PCBP3: variants seen among roughly 807,000 people sequenced by gnomAD.
PCBP3 encodes the protein poly(rC) binding protein 3.
In PCBP3, 25 loss-of-function variants were observed where a neutral mutation model predicts 52.7. The ratio of observed to expected loss-of-function variants is 0.47; its 90% CI spans 0.35 to 0.66. The LOEUF (loss-of-function observed/expected upper bound fraction) is 0.66, where lower values mean the gene tolerates loss of function less well. Among genes scored for constraint, PCBP3 ranks in the 30% least tolerant of loss-of-function variants. PCBP3 has a pLI of 0.01. For synonymous variants in PCBP3, 162 were observed against 183.0 expected, an observed-to-expected ratio of 0.89 and a Z score of 0.93; for missense variants, 391 against 490.3, an observed-to-expected ratio of 0.80 and a Z score of 1.91.
At chr21:45,646,494 A>C (rs1387625314) in intron 1 of PCBP3, among the ~76,000 whole-genome samples, 1 of 152,198 alleles carries the variant, frequency 6.6e-6, no homozygotes, top group African/African-American at 2.4e-5. Flanking sequence ...GAATACCTGA[A>C]ACTAGGTAAT....
chr21:45,676,222 C>A (rs546283543), intron 2 of PCBP3, among the ~76,000 whole-genome samples: 2 of 152,226 alleles, frequency 1.3e-5, no homozygotes, highest in South Asian at 4.1e-4. Context: ...CCTGTTACTT[C>A]AAAGGAATTA....
chr21:45,768,826 C>A (rs1285223899), intron 4 of PCBP3, among the ~76,000 whole-genome samples: 3 of 152,224 alleles, frequency 2.0e-5, no homozygotes, highest in Admixed American at 6.5e-5. Flanking sequence ...GCCCTGTGAG[C>A]AGGGAGCCAG....
At chr21:45,863,278 G>A (rs755604925) in intron 5 of PCBP3, among the ~76,000 whole-genome samples, 1 of 152,250 alleles carries the variant, frequency 6.6e-6, no homozygotes, top group East Asian at 1.9e-4. Flanking sequence ...CCCGCTGTCC[G>A]GGTAGGGACC....
At chr21:45,856,377 A>G (rs1218456379) in intron 5 of PCBP3, among the ~76,000 whole-genome samples, 2 of 152,206 alleles carry the variant, frequency 1.3e-5, no homozygotes, top group Non-Finnish European at 2.9e-5. Flanking sequence ...ACCCATCAGA[A>G]CATCTTTTAA....
At chr21:45,798,936 T>C (rs2092161985) in intron 4 of PCBP3, among the ~76,000 whole-genome samples, 1 of 125,272 alleles carries the variant, frequency 8.0e-6, no homozygotes. Flanking sequence ...TGAATGGATG[T>C]GTACATGGAT....
chr21:45,806,461 A>G (rs1259934877), intron 4 of PCBP3, among the ~76,000 whole-genome samples: 1 of 151,382 alleles, frequency 6.6e-6, no homozygotes, highest in African/African-American at 2.4e-5. Flanking sequence ...TCAGAACAAT[A>G]TGGCCAATGC....
At chr21:45,909,087 C>T (rs1195339765) in intron 9 of PCBP3, among the ~76,000 whole-genome samples, 1 of 151,766 alleles carries the variant, frequency 6.6e-6, no homozygotes, top group African/African-American at 2.4e-5. Context: ...CCCACCAGGT[C>T]TCCACGACCA....
At chr21:45,811,004 A>C (rs2092672662) in intron 4 of PCBP3, among the ~76,000 whole-genome samples, 1 of 152,028 alleles carries the variant, frequency 6.6e-6, no homozygotes, top group East Asian at 1.9e-4. Context: ...AGTACTGACA[A>C]CTTGTCTTTC....
chr21:45,808,895 T>A (rs1286801065), intron 4 of PCBP3, among the ~76,000 whole-genome samples: 1 of 152,128 alleles, frequency 6.6e-6, no homozygotes, highest in Non-Finnish European at 1.5e-5. Flanking sequence ...TGCAGGGACA[T>A]GGGTGAAGCT....
chr21:45,814,148 A>G (rs1166089583), intron 4 of PCBP3, among the ~76,000 whole-genome samples: 1 of 152,260 alleles, frequency 6.6e-6, no homozygotes, highest in Non-Finnish European at 1.5e-5. Flanking sequence ...TGTGTGTTTA[A>G]ACACTTCGAA....
chr21:45,839,233 G>T (rs2093650307), intron 4 of PCBP3, among the ~76,000 whole-genome samples: 3 of 152,106 alleles, frequency 2.0e-5, no homozygotes, highest in Non-Finnish European at 4.4e-5. Flanking sequence ...TTAGCCAGAA[G>T]TCTCTTCTTC....
chr21:45,650,614 A>T lies in PCBP3; in HGVS notation c.-279+6746A>T, dbSNP rs557110636. On this transcript the variant is annotated intron_variant, in intron 1 of 17. Transcript: ENST00000681687. Reference sequence around the variant, plus strand: ...TATAGGCGCAAACCACCATGCTCAGATAATTTTTAAATTTTCTTTTTGTAG... The same window carrying T: ...TATAGGCGCAAACCACCATGCTCAGTTAATTTTTAAATTTTCTTTTTGTAG... Among the ~76,000 whole-genome samples the T allele has an allele frequency of 2.6e-5, 4 of 152,218 alleles. No individual in the cohort carries two copies. The East Asian group carries it at 7.7e-4, about 29-fold the overall frequency.
chr21:45,884,434 T>C (rs920825001), intron 5 of PCBP3, among the ~76,000 whole-genome samples: 3 of 152,188 alleles, frequency 2.0e-5, no homozygotes, highest in African/African-American at 7.2e-5. Context: ...ACTAAGTATA[T>C]AGCATATATA....
chr21:45,890,849 T>G (rs979817136), intron 5 of PCBP3, among the ~76,000 whole-genome samples: 1 of 150,126 alleles, frequency 6.7e-6, no homozygotes, highest in African/African-American at 2.5e-5. Context: ...AACTCTGCAC[T>G]GCTGCGGGGA....
At chr21:45,851,640 T>C (rs2094009152) in intron 5 of PCBP3, among the ~76,000 whole-genome samples, 1 of 113,224 alleles carries the variant, frequency 8.8e-6, no homozygotes, top group Non-Finnish European at 2.0e-5. Flanking sequence ...GATAGATAGA[T>C]AGGTAAAGAA....
rs1320112333 is a variant in PCBP3, at chr21:45,922,544, G to C, written c.717+4915G>C. ...CACTCCAGCCTGGGCGACAGAGCAA[G>C]ACCCTGTCTCAAAAAAAGAAAAAAT... On this transcript the variant is annotated intron_variant, in intron 13 of 17. Transcript: ENST00000681687. Among the ~76,000 whole-genome samples the C allele has an allele frequency of 2.0e-5, 3 of 152,178 alleles. No homozygotes were observed. The East Asian group carries it at 5.8e-4, about 29-fold the overall frequency.
chr21:45,786,825 A>G (rs2091199054), intron 4 of PCBP3, among the ~76,000 whole-genome samples: 2 of 152,208 alleles, frequency 1.3e-5, no homozygotes, highest in East Asian at 1.9e-4. Flanking sequence ...AACACAGAAT[A>G]ATAGTCATTA....
intron 4 of PCBP3, among the ~76,000 whole-genome samples, chr21:45,806,635 AAT>A (rs1232831957): frequency 6.6e-6 from 1 of 151,928 alleles, no homozygotes; most frequent in African/African-American, 2.4e-5. Context: ...TCTTTTTTAG[AAT>A]GAGGAGCTGA....
At chr21:45,844,816 TAA>T (rs1218432171) in intron 4 of PCBP3, among the ~76,000 whole-genome samples, 2 of 142,178 alleles carry the variant, frequency 1.4e-5, no homozygotes, top group Non-Finnish European at 3.1e-5. Context: ...TACATATATA[TAA>T]AGTTATATAT....
Sources: gnomAD v4.1 joint callset for allele counts (sites outside exome capture counted in the v4.1 genomes callset) on GRCh38, gnomAD v4.1.1 for gene constraint, MANE v1.5 for transcripts, NCBI Gene and HGNC (gene_info 2026-07-23, HGNC 2026-07-21) for gene names.